The following GLIS1 variants were observed in gnomAD, a reference collection of about 807,000 sequenced individuals.
The protein encoded by GLIS1 is GLIS family zinc finger 1.
GLIS1 carries 24 observed loss-of-function variants against 63.8 expected under a neutral mutation model. The observed-to-expected ratio is 0.38, with a 90% CI of 0.27 to 0.53. The LOEUF is 0.53. Ranked by LOEUF, GLIS1 falls within the 20% of genes least tolerant of loss-of-function variation. The pLI is 0.85. For synonymous variants in GLIS1, 450 were observed against 482.5 expected (o/e 0.93, Z 0.88); for missense variants, 1,036 against 1,074.1 (o/e 0.96, Z 0.50).
At chr1:53,674,459 T>C (rs58547312) in intron 2 of GLIS1, among the ~76,000 whole-genome samples, 3,659 of 152,320 alleles carry the variant, frequency 0.024, 144 homozygotes, top group African/African-American at 0.083. Context: ...ATCACAGGTC[T>C]AAATTACTTA....
At chr1:53,636,495 A>G (rs1319175324) in intron 2 of GLIS1, among the ~76,000 whole-genome samples, 2 of 152,262 alleles carry the variant, frequency 1.3e-5, no homozygotes, top group East Asian at 3.8e-4. Context: ...GCCAACAGCA[A>G]ATATCACAGT....
At chr1:53,547,448 C>T (rs1210808583) in intron 4 of GLIS1, among the ~76,000 whole-genome samples, 1 of 152,256 alleles carries the variant, frequency 6.6e-6, no homozygotes, top group Non-Finnish European at 1.5e-5. Flanking sequence ...CAGCACGGAA[C>T]CTGCCTGAGC....
intron 2 of GLIS1, among the ~76,000 whole-genome samples, chr1:53,689,612 C>T (rs964817503): frequency 6.6e-6 from 1 of 152,166 alleles, no homozygotes; most frequent in South Asian, 2.1e-4. Flanking sequence ...ATTCTCAACA[C>T]TTAGCCCAAA....
chr1:53,643,997 C>A (rs1310758655), intron 2 of GLIS1, among the ~76,000 whole-genome samples: 1 of 152,184 alleles, frequency 6.6e-6, no homozygotes, highest in African/African-American at 2.4e-5. Flanking sequence ...GGAGTTCTTT[C>A]CCTGATAAAG....
chr1:53,523,900 C>T (rs897207694), intron 6 of GLIS1, among the ~76,000 whole-genome samples: 6 of 152,318 alleles, frequency 3.9e-5, no homozygotes, highest in South Asian at 2.1e-4. Context: ...CTCCTCACTG[C>T]GCTGCTTGGC....
At chr1:53,674,614 A>T (rs1412620272) in intron 2 of GLIS1, among the ~76,000 whole-genome samples, 2 of 152,268 alleles carry the variant, frequency 1.3e-5, no homozygotes, top group South Asian at 4.2e-4. Context: ...GCGAGACACT[A>T]GGAGAGGCAG....
chr1:53,687,725 C>T (rs1041292370), intron 2 of GLIS1, among the ~76,000 whole-genome samples: 4 of 152,196 alleles, frequency 2.6e-5, no homozygotes, highest in African/African-American at 4.8e-5. Context: ...CACGAAGGGA[C>T]GGACAGTGGG....
intron 2 of GLIS1, among the ~76,000 whole-genome samples, chr1:53,723,568 G>T (rs191684516): frequency 2.6e-5 from 4 of 152,046 alleles, no homozygotes. Context: ...ACTATATTCA[G>T]AATGATCTCA....
At chr1:53,701,216 A>G (rs1646519729) in intron 2 of GLIS1, among the ~76,000 whole-genome samples, 1 of 152,258 alleles carries the variant, frequency 6.6e-6, no homozygotes, top group African/African-American at 2.4e-5. Flanking sequence ...TTTCCCCAGC[A>G]AAAGCACTAT....
Position 53,738,119 on chromosome 1 carries a change from G to T in GLIS1, c.-42-13C>A. Reference sequence around the variant, plus strand: ...TCGCGCCGGGCTCCTGGGGAGGGGAGACAGCACAGCCAGTTAGAATGCGGA... The same window carrying T: ...TCGCGCCGGGCTCCTGGGGAGGGGATACAGCACAGCCAGTTAGAATGCGGA... On this transcript the variant is annotated splice_polypyrimidine_tract_variant and intron_variant, in intron 1 of 10. Transcript: ENST00000628545. 8.2e-7 allele frequency: 1 copy of T among 1,215,530 alleles called. No homozygotes were observed. The highest frequency in any genetic ancestry group is 4.2e-5 in the South Asian group (1 of 23,992). 75.3% of individuals were successfully genotyped at this position (1,215,530 alleles called of 1,614,324 possible).
chr1:53,631,455 T>G (rs530338743), intron 2 of GLIS1, among the ~76,000 whole-genome samples: 1 of 152,360 alleles, frequency 6.6e-6, no homozygotes, highest in South Asian at 2.1e-4. Flanking sequence ...ATCACATGTA[T>G]GTACTTACAC....
At chr1:53,669,514 T>C (rs910373762) in intron 2 of GLIS1, among the ~76,000 whole-genome samples, 4 of 152,216 alleles carry the variant, frequency 2.6e-5, no homozygotes, top group Non-Finnish European at 5.9e-5. Flanking sequence ...ATCTCCTGCA[T>C]GTACCAAAGC....
intron 6 of GLIS1, 120 bp from the exon 7 acceptor site, chr1:53,520,886 T>C: frequency 9.2e-7 from 1 of 1,088,970 alleles, no homozygotes; most frequent in East Asian, 2.9e-5. Flanking sequence ...TTCCCTTCAC[T>C]GTGCCTCAGT....
intron 4 of GLIS1, among the ~76,000 whole-genome samples, chr1:53,531,277 C>T (rs1273508708): frequency 6.6e-6 from 1 of 152,200 alleles, no homozygotes; most frequent in South Asian, 2.1e-4. Context: ...GCCCATGGGA[C>T]CCTGCCCCTC....
chr1:53,573,784 G>T (rs539965712), intron 4 of GLIS1, among the ~76,000 whole-genome samples: 1 of 152,324 alleles, frequency 6.6e-6, no homozygotes, highest in South Asian at 2.1e-4. Context: ...GAGGGAGGCA[G>T]CCTCAGTGCT....
At chr1:53,612,799 G>A (rs955119471) in intron 2 of GLIS1, among the ~76,000 whole-genome samples, 1 of 148,564 alleles carries the variant, frequency 6.7e-6, no homozygotes, top group Non-Finnish European at 1.5e-5. Context: ...AGTCCTAGCT[G>A]TCTCATTAGT....
At chr1:53,558,853 G>A (rs1184167211) in intron 4 of GLIS1, among the ~76,000 whole-genome samples, 1 of 152,180 alleles carries the variant, frequency 6.6e-6, no homozygotes, top group Non-Finnish European at 1.5e-5. Context: ...CACCTATCCT[G>A]GACCATGTAG....
At chr1:53,597,419 A>G (rs1645270193) in intron 3 of GLIS1, among the ~76,000 whole-genome samples, 1 of 151,124 alleles carries the variant, frequency 6.6e-6, no homozygotes, top group East Asian at 1.9e-4. Context: ...CACAGTAAGC[A>G]CACCACCATT....
chr1:53,621,825 T>G (rs1645546154), intron 2 of GLIS1, among the ~76,000 whole-genome samples: 1 of 152,182 alleles, frequency 6.6e-6, no homozygotes, highest in Non-Finnish European at 1.5e-5. Context: ...AAAAATTTTT[T>G]TTTTTTGAGA....
Sources: allele counts gnomAD v4.1 joint callset (sites outside exome capture counted in the v4.1 genomes callset), GRCh38; gene constraint gnomAD v4.1.1; transcripts MANE v1.5; gene names NCBI Gene and HGNC (gene_info 2026-07-23, HGNC 2026-07-21).